DAB1: variants seen among roughly 807,000 people sequenced by gnomAD.
DAB1 encodes disabled homolog 1.
Under a neutral mutation model 64.6 loss-of-function variants are expected in DAB1, and 15 were observed. The observed-to-expected ratio is 0.23, with a 90% CI of 0.16 to 0.36. DAB1 has a LOEUF of 0.36. Among genes scored for constraint, DAB1 ranks in the 10% least tolerant of loss-of-function variants. The probability of loss-of-function intolerance (pLI) is 1.00; values close to 1 mark genes in which losing one functional copy is unlikely to be tolerated. For missense variants in DAB1, 596 were observed against 706.7 expected, an observed-to-expected ratio of 0.84 and a Z score of 1.78; for synonymous variants, 235 against 251.9, an observed-to-expected ratio of 0.93 and a Z score of 0.64.
intron 3 of DAB1, among the ~76,000 whole-genome samples, chr1:58,406,153 AG>A (rs1310687105): frequency 6.6e-6 from 1 of 152,196 alleles, no homozygotes; most frequent in African/African-American, 2.4e-5. Context: ...CCAGAACCCC[AG>A]GTGGGTGAAC....
intron 4 of DAB1, among the ~76,000 whole-genome samples, chr1:58,248,638 A>C (rs952076427): frequency 6.6e-6 from 1 of 152,216 alleles, no homozygotes; most frequent in East Asian, 1.9e-4. Context: ...CACATCGTGC[A>C]GGTATGAAAT....
At chr1:57,112,836 G>T (rs1456868840) in intron 4 of DAB1, among the ~76,000 whole-genome samples, 2 of 151,954 alleles carry the variant, frequency 1.3e-5, no homozygotes, top group Non-Finnish European at 2.9e-5. Flanking sequence ...AGACAGTAGG[G>T]GGTACAAAGA....
intron 4 of DAB1, among the ~76,000 whole-genome samples, chr1:58,209,775 C>T (rs1658460984): frequency 6.6e-6 from 1 of 151,984 alleles, no homozygotes. Context: ...ATGGTATTGT[C>T]CTTGGTGCTG....
chr1:58,296,226 A>AAAGG, intron 4 of DAB1, among the ~76,000 whole-genome samples: 1 of 151,274 alleles, frequency 6.6e-6, no homozygotes, highest in South Asian at 2.1e-4. Flanking sequence ...AGAAAGAAAG[A>AAAGG]AAGAAAGAAA....
intron 7 of DAB1, among the ~76,000 whole-genome samples, chr1:57,543,878 GGATT>G (rs2101456987): frequency 1.3e-5 from 2 of 152,302 alleles, no homozygotes; most frequent in African/African-American, 4.8e-5. Flanking sequence ...CACAGCCAGA[GGATT>G]GATTGCTTGA....
intron 9 of DAB1, among the ~76,000 whole-genome samples, chr1:57,036,849 T>G (rs1376103486): frequency 3.3e-5 from 5 of 152,188 alleles, no homozygotes; most frequent in African/African-American, 4.8e-5. Context: ...TAATCTCTTT[T>G]CAAAACAGTG....
In DAB1 at chr1:57,198,649, T is replaced by TCTCTCA. The variant is rs1477522407; in HGVS notation, c.68-53221_68-53220insTGAGAG. Among the ~76,000 whole-genome samples the TCTCTCA allele has an allele frequency of 1.1e-3, 140 of 128,326 alleles. 1 individual carries two copies. Among genetic ancestry groups the TCTCTCA allele is most frequent in the East Asian group, 6.9e-3 (31 of 4,476 alleles). The allele number at this position is 128,326 out of a possible 152,430, so 84.2% of individuals were successfully genotyped here. On this transcript the variant is annotated intron_variant, in intron 2 of 14. Coordinates refer to ENST00000371236, the MANE Select transcript of DAB1 (RefSeq NM_001365792.1). ...CCTCCCTCCCTGCATCTTCTCTCTCTCACACACACACACACACACACACAC... is the reference window on the plus strand; with the variant it reads ...CCTCCCTCCCTGCATCTTCTCTCTCTCTCTCACACACACACACACACACACACACAC...
rs557249429 is a variant in DAB1, at chr1:57,255,694, T to G, written c.67+35270A>C. Among the ~76,000 whole-genome samples, 8 of 152,198 alleles carry G rather than the reference T, an allele frequency of 5.3e-5. No individual in the cohort carries two copies. In the East Asian group the frequency reaches 1.5e-3, roughly 29 times the overall value. Reference sequence around the variant, plus strand: ...CAAACAAAAAAACCAAGGCTTTTCTTTAAGAATATTCTACCTTCTTACGGA... The same window carrying G: ...CAAACAAAAAAACCAAGGCTTTTCTGTAAGAATATTCTACCTTCTTACGGA... On this transcript the variant is annotated intron_variant, in intron 2 of 14. Transcript: ENST00000371236.
chr1:57,856,833 G>A (rs1260007482), intron 1 of DAB1, among the ~76,000 whole-genome samples: 1 of 152,154 alleles, frequency 6.6e-6, no homozygotes, highest in Admixed American at 6.5e-5. Flanking sequence ...GGGTCTCAAT[G>A]GGGATGTGTT....
chr1:57,606,795 T>TATATAG (rs1553199598), intron 7 of DAB1, among the ~76,000 whole-genome samples: 4,107 of 133,114 alleles, frequency 0.031, 100 homozygotes, highest in African/African-American at 0.055. Context: ...CATATATATA[T>TATATAG]AGAGAGAGAG....
chr1:57,894,568 C>T (rs775802930), intron 5 of DAB1, among the ~76,000 whole-genome samples: 28 of 152,138 alleles, frequency 1.8e-4, no homozygotes, highest in South Asian at 6.2e-4. Flanking sequence ...TAAAGGAAGC[C>T]GATGTGCTTG....
intron 4 of DAB1, among the ~76,000 whole-genome samples, chr1:58,266,064 G>A (rs950856699): frequency 3.2e-5 from 3 of 94,480 alleles, no homozygotes; most frequent in Non-Finnish European, 4.5e-5. Context: ...CCACAGAGAA[G>A]AGAATCCAGT....
intron 3 of DAB1, among the ~76,000 whole-genome samples, chr1:58,353,325 AAC>A (rs776144024): frequency 3.0e-4 from 45 of 152,270 alleles, no homozygotes; most frequent in African/African-American, 8.4e-4. Flanking sequence ...ATTCCAGCCA[AAC>A]ACACATAGAT....
At chr1:57,316,641 T>G (rs371148679) in intron 1 of DAB1, among the ~76,000 whole-genome samples, 15 of 151,974 alleles carry the variant, frequency 9.9e-5, no homozygotes, top group South Asian at 4.2e-4. Context: ...AAGAAAAAAA[T>G]AAAAAGCAGC....
intron 14 of DAB1, among the ~76,000 whole-genome samples, chr1:57,007,478 T>C (rs191418841): frequency 4.0e-4 from 61 of 152,302 alleles, no homozygotes; most frequent in Non-Finnish European, 6.9e-4. Flanking sequence ...ACCCAGTCTT[T>C]CAAAGACACG....
At chr1:58,226,992 CT>C (rs1659530443) in intron 4 of DAB1, among the ~76,000 whole-genome samples, 1 of 152,220 alleles carries the variant, frequency 6.6e-6, no homozygotes, top group African/African-American at 2.4e-5. Flanking sequence ...ACTCATTTAA[CT>C]CTCGAAAGCA....
chr1:57,987,859 A>G (rs1442788328), intron 5 of DAB1, among the ~76,000 whole-genome samples: 5 of 147,614 alleles, frequency 3.4e-5, no homozygotes, highest in Non-Finnish European at 6.0e-5. Context: ...TTTTTTTTTC[A>G]GGAAAACACT....
chr1:57,516,659 G>T (rs1034955808), intron 7 of DAB1, among the ~76,000 whole-genome samples: 1 of 152,158 alleles, frequency 6.6e-6, no homozygotes, highest in Non-Finnish European at 1.5e-5. Context: ...AGTCCCTCAT[G>T]GAGTCCTTCT....
At chr1:58,117,794 T>C (rs1444715879) in intron 5 of DAB1, among the ~76,000 whole-genome samples, 5 of 152,008 alleles carry the variant, frequency 3.3e-5, no homozygotes, top group Admixed American at 3.3e-4. Flanking sequence ...TGCTTCACTG[T>C]GTGCTTCAAC....
Sources: allele counts gnomAD v4.1 joint callset (sites outside exome capture counted in the v4.1 genomes callset), GRCh38; gene constraint gnomAD v4.1.1; transcripts MANE v1.5; gene names NCBI Gene and HGNC (gene_info 2026-07-23, HGNC 2026-07-21).